Variants in GRIP1 observed in about 807,000 individuals in gnomAD.
GRIP1 encodes glutamate receptor-interacting protein 1.
GRIP1 carries 45 observed loss-of-function variants against 129.9 expected under a neutral mutation model. That is an observed-to-expected ratio of 0.35 (90% CI 0.27 to 0.44). GRIP1 has a LOEUF of 0.44. GRIP1 is among the 20% of genes least tolerant of loss of function. The pLI is 1.00. For synonymous variants in GRIP1, 530 were observed against 520.8 expected, an observed-to-expected ratio of 1.02 and a Z score of -0.24; for missense variants, 1,196 against 1,396.8, an observed-to-expected ratio of 0.86 and a Z score of 2.29.
chr12:66,513,644 G>T (rs773620350), intron 7 of GRIP1, among the ~76,000 whole-genome samples: 1 of 152,030 alleles, frequency 6.6e-6, no homozygotes, highest in Non-Finnish European at 1.5e-5. Context: ...TATACAGAAA[G>T]GAAACTGATT....
At chr12:66,735,000 A>G (rs1054388609) in intron 1 of GRIP1, among the ~76,000 whole-genome samples, 1 of 152,202 alleles carries the variant, frequency 6.6e-6, no homozygotes, top group Non-Finnish European at 1.5e-5. Context: ...ATATTTTTAC[A>G]TGTATGAACT....
intron 2 of GRIP1, among the ~76,000 whole-genome samples, chr12:66,556,756 G>A (rs143270121): frequency 0.017 from 2,585 of 152,078 alleles, 66 homozygotes; most frequent in African/African-American, 0.059. Context: ...GTTGTCATCA[G>A]TTTAAAATAA....
intron 19 of GRIP1, among the ~76,000 whole-genome samples, chr12:66,387,933 A>T (rs548342746): frequency 9.8e-5 from 15 of 152,352 alleles, no homozygotes; most frequent in Non-Finnish European, 2.1e-4. Flanking sequence ...TTCAGTTATC[A>T]TCCTTATGAA....
chr12:66,437,768 T>C (rs1240740218), intron 13 of GRIP1, among the ~76,000 whole-genome samples: 1 of 152,244 alleles, frequency 6.6e-6, no homozygotes, highest in South Asian at 2.1e-4. Flanking sequence ...TGTTCTACAG[T>C]GCACACAATG....
At chr12:66,374,517 C>A (rs2055691670) in intron 22 of GRIP1, among the ~76,000 whole-genome samples, 1 of 152,190 alleles carries the variant, frequency 6.6e-6, no homozygotes, top group African/African-American at 2.4e-5. Context: ...GTGTATCTGA[C>A]AGCACTCATT....
chr12:67,059,324 T>A, intron 1 of GRIP1, among the ~76,000 whole-genome samples: 1 of 152,078 alleles, frequency 6.6e-6, no homozygotes, highest in East Asian at 1.9e-4. Context: ...GTCCAGGAAG[T>A]CCAAATGAGC....
intron 7 of GRIP1, among the ~76,000 whole-genome samples, chr12:66,472,575 CA>C (rs1245157178): frequency 1.3e-5 from 2 of 152,172 alleles, no homozygotes; most frequent in Admixed American, 6.5e-5. Context: ...CAGCTCGCAG[CA>C]AGATCAACAC....
intron 1 of GRIP1, among the ~76,000 whole-genome samples, chr12:67,026,925 TTTG>T (rs1005729069): frequency 6.6e-6 from 1 of 152,180 alleles, no homozygotes; most frequent in East Asian, 1.9e-4. Flanking sequence ...TTTGTAGTTT[TTTG>T]TTGTTGTTGT....
In GRIP1 at chr12:66,739,123, A is replaced by T. The variant is rs143461519; in HGVS notation, c.-420+64930T>A. ...ATTCTGGGCTAAAAAGTCATCAAAG[A>T]AGTACCTTGTCTACTGTAACTCATG... On this transcript the variant is annotated intron_variant, in intron 1 of 4. Transcript: ENST00000538373. Among the ~76,000 whole-genome samples, 326 of 152,304 alleles carry T rather than the reference A, an allele frequency of 2.1e-3. 1 individual carries two copies. The highest frequency in any genetic ancestry group is 7.2e-3 in the African/African-American group (298 of 41,552).
In GRIP1 at chr12:66,609,615, G is replaced by A. The variant is rs544440307; in HGVS notation, c.56-12688C>T. On this transcript the variant is annotated intron_variant, in intron 1 of 24. Coordinates refer to ENST00000359742, the MANE Select transcript of GRIP1 (RefSeq NM_001366722.1). ...ATTACTTGCTTGTCTAACTCTCCTT[G>A]GGTTATGTCTACCTCATCAACTTCA... Among the ~76,000 whole-genome samples, 686 of 152,122 alleles carry A rather than the reference G, an allele frequency of 4.5e-3. 7 individuals carry two copies. Among genetic ancestry groups the A allele is most frequent in the Non-Finnish European group, 5.8e-3 (393 of 67,988 alleles).
At chr12:66,592,537 A>G (rs1172007967) in intron 2 of GRIP1, among the ~76,000 whole-genome samples, 1 of 152,202 alleles carries the variant, frequency 6.6e-6, no homozygotes. Context: ...TGAATATTTG[A>G]CATCTTCCTG....
At chr12:66,906,770 A>T (rs2040940349) in intron 1 of GRIP1, among the ~76,000 whole-genome samples, 1 of 152,202 alleles carries the variant, frequency 6.6e-6, no homozygotes, top group Admixed American at 6.5e-5. Flanking sequence ...AGGGGCTAGA[A>T]ATCTACATTC....
chr12:66,391,140 C>T (rs192818495), intron 19 of GRIP1, among the ~76,000 whole-genome samples: 72 of 152,278 alleles, frequency 4.7e-4, no homozygotes, highest in Non-Finnish European at 8.8e-4. Flanking sequence ...AGAGAGCAAA[C>T]TGGATACAGA....
chr12:67,014,345 T>A (rs1013131645), intron 1 of GRIP1, among the ~76,000 whole-genome samples: 1 of 152,114 alleles, frequency 6.6e-6, no homozygotes, highest in Non-Finnish European at 1.5e-5. Context: ...AGCACCTGTA[T>A]CATAACTGGT....
chr12:66,368,337 C>T (rs936983681), intron 23 of GRIP1, among the ~76,000 whole-genome samples: 5 of 152,172 alleles, frequency 3.3e-5, no homozygotes, highest in African/African-American at 1.2e-4. Flanking sequence ...TAAGGTTTAA[C>T]AGGTGCTGGT....
chr12:66,809,596 C>T (rs960585776), intron 1 of GRIP1, among the ~76,000 whole-genome samples: 1 of 152,080 alleles, frequency 6.6e-6, no homozygotes, highest in Non-Finnish European at 1.5e-5. Flanking sequence ...TTTGTAATAT[C>T]CCTTCTTACT....
intron 1 of GRIP1, among the ~76,000 whole-genome samples, chr12:66,882,541 TA>T (rs1450873007): frequency 2.6e-5 from 4 of 152,152 alleles, no homozygotes; most frequent in Admixed American, 2.6e-4. Flanking sequence ...CCCTTATCTG[TA>T]AAATGAGACT....
chr12:66,658,517 C>G (rs1045822289), intron 1 of GRIP1, among the ~76,000 whole-genome samples: 2 of 151,420 alleles, frequency 1.3e-5, no homozygotes, highest in African/African-American at 2.4e-5. Context: ...GGAGGTGGAG[C>G]TTGTAGTGAG....
At chr12:66,940,656 G>T (rs2041569738) in intron 1 of GRIP1, among the ~76,000 whole-genome samples, 1 of 152,160 alleles carries the variant, frequency 6.6e-6, no homozygotes, top group Admixed American at 6.5e-5. Context: ...CAAGCTACTT[G>T]AATGGTCCTT....
Sources: allele counts gnomAD v4.1 joint callset (sites outside exome capture counted in the v4.1 genomes callset), GRCh38; gene constraint gnomAD v4.1.1; transcripts MANE v1.5; gene names NCBI Gene and HGNC (gene_info 2026-07-23, HGNC 2026-07-21).